PDZRN4: variants seen among roughly 807,000 people sequenced by gnomAD.
PDZRN4 encodes the protein PDZ domain containing ring finger 4, also known as PDZ domain-containing RING finger protein 4.
In PDZRN4, 70 loss-of-function variants were observed where a neutral mutation model predicts 99.0. The ratio of observed to expected loss-of-function variants is 0.71; its 90% CI spans 0.58 to 0.86. The LOEUF (loss-of-function observed/expected upper bound fraction) is 0.86. PDZRN4 is among the 40% of genes least tolerant of loss of function. The pLI is 0.00. For missense variants in PDZRN4, 1,474 were observed against 1,331.2 expected (o/e 1.11, Z -1.67); for synonymous variants, 551 against 501.6 (o/e 1.10, Z -1.32).
chr12:41,243,777 T>A (rs558520455), intron 3 of PDZRN4, among the ~76,000 whole-genome samples: 36 of 152,222 alleles, frequency 2.4e-4, no homozygotes, highest in Non-Finnish European at 4.6e-4. Context: ...TAGCAGAATA[T>A]CATTTCTATT....
intron 3 of PDZRN4, among the ~76,000 whole-genome samples, chr12:41,362,630 C>T (rs1453317411): frequency 6.6e-6 from 1 of 152,048 alleles, no homozygotes; most frequent in Non-Finnish European, 1.5e-5. Context: ...GTCTTTTCCA[C>T]ATGGTGGGCT....
intron 3 of PDZRN4, among the ~76,000 whole-genome samples, chr12:41,199,359 A>G (rs1258788674): frequency 1.3e-5 from 2 of 152,196 alleles, no homozygotes; most frequent in Non-Finnish European, 2.9e-5. Context: ...AAAAAACAAT[A>G]GATGTTGGTG....
At chr12:41,228,579 A>G (rs1180924944) in intron 3 of PDZRN4, among the ~76,000 whole-genome samples, 5 of 152,118 alleles carry the variant, frequency 3.3e-5, no homozygotes, top group Admixed American at 3.3e-4. Flanking sequence ...ATCCCAGGAG[A>G]ATGTTATCAT....
At chr12:41,453,810 T>C (rs999329791) in intron 3 of PDZRN4, among the ~76,000 whole-genome samples, 1 of 151,886 alleles carries the variant, frequency 6.6e-6, no homozygotes, top group African/African-American at 2.4e-5. Context: ...ACAAGAGATT[T>C]AGAGTGGGGG....
intron 5 of PDZRN4, among the ~76,000 whole-genome samples, chr12:41,527,175 GCAGA>G (rs1938582805): frequency 6.6e-6 from 1 of 152,176 alleles, no homozygotes; most frequent in African/African-American, 2.4e-5. Context: ...TTTTGACCAG[GCAGA>G]CATTTAAGGC....
At chr12:41,315,020 T>C (rs1951629568) in intron 3 of PDZRN4, among the ~76,000 whole-genome samples, 1 of 152,092 alleles carries the variant, frequency 6.6e-6, no homozygotes. Context: ...GTTTGCATGG[T>C]ATACAGTGGT....
chr12:41,557,902 A>T (rs964674051), intron 7 of PDZRN4, among the ~76,000 whole-genome samples: 9 of 152,186 alleles, frequency 5.9e-5, no homozygotes, highest in Admixed American at 2.0e-4. Context: ...GCCAAGACAT[A>T]GTCTTGTTGA....
At chr12:41,476,555 A>G (rs188653150) in intron 3 of PDZRN4, among the ~76,000 whole-genome samples, 2 of 152,326 alleles carry the variant, frequency 1.3e-5, no homozygotes, top group Admixed American at 6.5e-5. Flanking sequence ...AGAAAGGCCT[A>G]TAGAGCCTCC....
chr12:41,217,105 T>C (rs1013066532), intron 3 of PDZRN4, among the ~76,000 whole-genome samples: 3 of 152,126 alleles, frequency 2.0e-5, no homozygotes, highest in African/African-American at 7.2e-5. Flanking sequence ...TAGAAGCTAG[T>C]TTAAGCAGCA....
At chr12:41,533,309 G>A (rs1485190025) in intron 5 of PDZRN4, among the ~76,000 whole-genome samples, 1 of 151,826 alleles carries the variant, frequency 6.6e-6, no homozygotes, top group Non-Finnish European at 1.5e-5. Context: ...TGAGTAGCTG[G>A]GATTACAGGC....
At chr12:41,551,433 T>C (rs1022923668) in intron 5 of PDZRN4, among the ~76,000 whole-genome samples, 5 of 152,080 alleles carry the variant, frequency 3.3e-5, no homozygotes, top group African/African-American at 7.2e-5. Context: ...TTATCAACTT[T>C]CATAATCTTT....
chr12:41,503,352 T>C (rs527689261), intron 3 of PDZRN4, among the ~76,000 whole-genome samples: 1 of 152,164 alleles, frequency 6.6e-6, no homozygotes, highest in South Asian at 2.1e-4. Flanking sequence ...TTGATTGTTC[T>C]TAGAGAAAAG....
chr12:41,296,359 A>C (rs1951493839), intron 3 of PDZRN4, among the ~76,000 whole-genome samples: 1 of 152,162 alleles, frequency 6.6e-6, no homozygotes, highest in African/African-American at 2.4e-5. Context: ...GTCAAGAACA[A>C]ATTTCTTGGC....
intron 3 of PDZRN4, among the ~76,000 whole-genome samples, chr12:41,406,722 C>G (rs1952353185): frequency 6.6e-6 from 1 of 151,592 alleles, no homozygotes; most frequent in Non-Finnish European, 1.5e-5. Context: ...AGCAAAACCT[C>G]AACTCTACTA....
In PDZRN4 at chr12:41,573,559, C is replaced by T; in HGVS notation, c.2780C>T (p.Thr927Ile). ...AAGGAAGAGCGGAGTGGCATGACCA[C>T]AGACGATGACACCATGAGCGAGATG... ...KIKEERSGMTTDDDTMSEMKM... is the reference protein window; with the variant it reads ...KIKEERSGMTIDDDTMSEMKM... Residue 927 changes from threonine (T) to isoleucine (I), a missense_variant, in exon 10 of 10, where the codon ACA (threonine) becomes ATA (isoleucine). Physicochemically the swap from Thr to Ile is moderately conservative, Grantham distance 89. Transcript: ENST00000402685. The T allele has an allele frequency of 6.2e-7, 1 of 1,612,894 alleles. No individual in the cohort carries two copies. The highest frequency in any genetic ancestry group is 8.5e-7 in the Non-Finnish European group (1 of 1,179,628).
rs115031162 is a variant in PDZRN4 at position 41,546,757 on chromosome 12, T to A, written c.1204-5899T>A. On this transcript the variant is annotated intron_variant, in intron 5 of 9. Transcript: ENST00000402685. ...GTGAGAAGGGGAAGGGTCAACAGGT[T>A]CGAGCTCTAGCGAGAGAACAAAAGT... Among the ~76,000 whole-genome samples, 404 of 152,312 alleles carry A rather than the reference T, an allele frequency of 2.7e-3. 2 individuals are homozygous for A. Among genetic ancestry groups the A allele is most frequent in the African/African-American group, 9.3e-3 (385 of 41,574 alleles).
intron 3 of PDZRN4, among the ~76,000 whole-genome samples, chr12:41,388,626 A>G (rs78395912): frequency 0.027 from 4,122 of 152,304 alleles, 191 homozygotes; most frequent in African/African-American, 0.095. Context: ...GGAGTAGTAT[A>G]GGTGAGAAAC....
chr12:41,478,288 G>T (rs1592076791), intron 3 of PDZRN4, among the ~76,000 whole-genome samples: 1 of 151,842 alleles, frequency 6.6e-6, no homozygotes, highest in South Asian at 2.1e-4. Flanking sequence ...GCTAATTTTT[G>T]TATTTTTAGT....
intron 3 of PDZRN4, among the ~76,000 whole-genome samples, chr12:41,380,162 C>A (rs977555218): frequency 6.6e-6 from 1 of 151,976 alleles, no homozygotes; most frequent in African/African-American, 2.4e-5. Flanking sequence ...TTTAGTCACC[C>A]CTGCTCTCTT....
Sources: allele counts gnomAD v4.1 joint callset (sites outside exome capture counted in the v4.1 genomes callset), GRCh38; gene constraint gnomAD v4.1.1; transcripts MANE v1.5; gene names NCBI Gene and HGNC (gene_info 2026-07-23, HGNC 2026-07-21).